The following SPEN variants were observed in gnomAD, a reference collection of about 807,000 sequenced individuals.
SPEN encodes spen family transcriptional repressor, also known as msx2-interacting protein.
SPEN carries 18 observed loss-of-function variants against 269.9 expected under a neutral mutation model. The observed-to-expected ratio is 0.07, with a 90% CI of 0.05 to 0.10. SPEN has a LOEUF of 0.10. Ranked by LOEUF, SPEN falls within the 10% of genes least tolerant of loss-of-function variation. The pLI is 1.00. For synonymous variants in SPEN, 1,726 were observed against 1,765.7 expected, an observed-to-expected ratio of 0.98 and a Z score of 0.56; for missense variants, 3,822 against 4,631.2, an observed-to-expected ratio of 0.83 and a Z score of 5.07.
At position 15,876,474 on chromosome 1, in the gene SPEN, G is replaced by A. The variant is rs146447271; in HGVS notation, c.677G>A (p.Arg226Gln). The A allele has an allele frequency of 2.2e-5, 36 of 1,613,944 alleles. No homozygotes were observed. Among genetic ancestry groups the A allele is most frequent in the Non-Finnish European group, 2.8e-5 (33 of 1,180,022 alleles). ...GATATCTACAGGGATGATATTACCC[G>A]GGAGGTACGAGGCAGAAGGCCAGAG... Reference protein sequence around the residue: ...HRDIYRDDITREVRGRRPERN... With the variant: ...HRDIYRDDITQEVRGRRPERN... The change falls in exon 3 of 15, where the codon CGG (arginine) becomes CAG (glutamine). Residue 226 changes from arginine to glutamine, a missense_variant. Around this residue, in one of 16 missense-constraint regions of SPEN, gnomAD observed 327 missense variants for 350.8 expected, o/e 0.93. Coordinates refer to ENST00000375759, the MANE Select transcript of SPEN (RefSeq NM_015001.3).
intron 6 of SPEN, among the ~76,000 whole-genome samples, chr1:15,916,523 T>C (rs1248130829): frequency 6.7e-6 from 1 of 148,562 alleles, no homozygotes; most frequent in Non-Finnish European, 1.5e-5. Flanking sequence ...TTTTTTTTTT[T>C]TTTTTGAGAC....
chr1:15,849,101 G>GT (rs1239340994), intron 1 of SPEN, among the ~76,000 whole-genome samples: 1 of 152,158 alleles, frequency 6.6e-6, no homozygotes, highest in East Asian at 1.9e-4. Flanking sequence ...CCTGTGTACC[G>GT]TAACAGATAG....
intron 5 of SPEN, among the ~76,000 whole-genome samples, chr1:15,912,977 A>C (rs2071024698): frequency 6.6e-6 from 1 of 152,222 alleles, no homozygotes; most frequent in South Asian, 2.1e-4. Flanking sequence ...GGCTTTACCT[A>C]CTTGCCAGTG....
Position 15,933,593 on chromosome 1 carries a change from T to C in SPEN, c.7353T>C (p.His2451=). ...AGCCTCAAGCCAGGTTCAGGGTGCA[T>C]TCCATCATTGAAAGTGACCCGGTGA... ...DEEPQARFRV[H]SIIESDPVTP... The change falls in exon 11 of 15, where the codon CAT becomes CAC. Residue 2451 remains histidine (H), a synonymous_variant. Transcript: ENST00000375759. This position sits in a 1 kb window ranked among gnomAD's most constrained non-coding sequence, Gnocchi z 5.7. 1 of 1,613,822 alleles carries C rather than the reference T, an allele frequency of 6.2e-7. No individual in the cohort carries two copies. The highest frequency in any genetic ancestry group is 1.3e-5 in the African/African-American group (1 of 74,918).
chr1:15,883,406 G>T (rs1413261590), intron 3 of SPEN, among the ~76,000 whole-genome samples: 1 of 152,110 alleles, frequency 6.6e-6, no homozygotes, highest in Non-Finnish European at 1.5e-5. Flanking sequence ...TGTTAGCTTT[G>T]CATTAGAACG....
intron 1 of SPEN, among the ~76,000 whole-genome samples, chr1:15,856,150 C>A (rs144565179): frequency 6.6e-6 from 1 of 151,410 alleles, no homozygotes; most frequent in Admixed American, 6.6e-5. Flanking sequence ...CCACCACACC[C>A]GGCTAATTTT....
At chr1:15,913,091 A>G (rs2071025404) in intron 5 of SPEN, among the ~76,000 whole-genome samples, 1 of 152,210 alleles carries the variant, frequency 6.6e-6, no homozygotes, top group East Asian at 1.9e-4. Context: ...AAAGCAGTTG[A>G]ATTTTGAGTA....
At chr1:15,938,688 C>T in intron 13 of SPEN, 30 bp from the exon 14 acceptor site, 3 of 1,601,746 alleles carry the variant, frequency 1.9e-6, no homozygotes, top group Middle Eastern at 3.4e-4. Flanking sequence ...TAGGAGGCCC[C>T]TGCTCACTGG....
chr1:15,926,654 G>A (rs1415325757), intron 10 of SPEN, among the ~76,000 whole-genome samples: 2 of 151,074 alleles, frequency 1.3e-5, no homozygotes, highest in Non-Finnish European at 2.9e-5. Flanking sequence ...TGGCCAAGAA[G>A]ACAAAGCCTG....
chr1:15,877,738 CTTTT>C (rs777782248), intron 3 of SPEN, among the ~76,000 whole-genome samples: 4 of 106,834 alleles, frequency 3.7e-5, no homozygotes, highest in African/African-American at 1.2e-4. Context: ...TCAGCTTTCC[CTTTT>C]TTTTTTTTTT....
At position 15,937,450 on chromosome 1, in the gene SPEN, C is replaced by T. The variant is rs1477990813; in HGVS notation, c.10314C>T (p.Ser3438=). The T allele has an allele frequency of 1.2e-6, 2 of 1,613,890 alleles. No homozygotes were observed. Among genetic ancestry groups the T allele is most frequent in the Non-Finnish European group, 1.7e-6 (2 of 1,180,026 alleles). The part of the protein sequence containing the change: ...PTSFPSPVSV[S]MKPDLPVSLP... The stretch of plus-strand genomic sequence containing the variant: ...CCTTCCCCTCCCCTGTGTCTGTCTC[C>T]ATGAAGCCTGACCTTCCAGTCTCTC... Residue 3438 remains serine (S), a synonymous_variant, in exon 12 of 15, where the codon TCC becomes TCT. Transcript: ENST00000375759. This position sits in a 1 kb window ranked among gnomAD's most constrained non-coding sequence, Gnocchi z 5.7.
At chr1:15,887,114 T>C (rs1422661287) in intron 3 of SPEN, among the ~76,000 whole-genome samples, 2 of 151,880 alleles carry the variant, frequency 1.3e-5, no homozygotes, top group African/African-American at 4.8e-5. Context: ...TAGCTGGGAT[T>C]ACAGCCACAC....
chr1:15,933,094 C>T lies in SPEN; in HGVS notation c.6854C>T (p.Pro2285Leu), dbSNP rs982747423. 1.2e-5 allele frequency: 19 copies of T among 1,614,038 alleles called. No individual in the cohort carries two copies. The highest frequency in any genetic ancestry group is 9.3e-5 in the African/African-American group (7 of 74,928). Residue 2285 changes from proline (P) to leucine (L), a missense_variant, in exon 11 of 15, where the codon CCA becomes CTA. By Grantham distance (98) the Pro-to-Leu change is moderately conservative. Around this residue, in one of 16 missense-constraint regions of SPEN, gnomAD observed 727 missense variants for 737.9 expected, o/e 0.99. Transcript: ENST00000375759. The surrounding 1 kb of genome is among the most constrained non-coding windows in gnomAD (Gnocchi z 5.7). ...TEAATESSRP[P>L]VNAPDPSAGP... is the part of the protein sequence containing the mutation. Reference sequence around the variant, plus strand: ...GCTGCTACAGAATCTTCTAGGCCTCCAGTCAATGCTCCTGACCCCTCAGCC... The same window carrying T: ...GCTGCTACAGAATCTTCTAGGCCTCTAGTCAATGCTCCTGACCCCTCAGCC...
At position 15,918,513 on chromosome 1, in the gene SPEN, G is replaced by A. The variant is rs560142071; in HGVS notation, c.1396-413G>A. Reference sequence around the variant, plus strand: ...GGATTACAGGCGTGAGCCACGGTGCGCAGCCAGATATCATATTTTAAATGG... The same window carrying A: ...GGATTACAGGCGTGAGCCACGGTGCACAGCCAGATATCATATTTTAAATGG... On this transcript the variant is annotated intron_variant, in intron 6 of 14. Coordinates refer to ENST00000375759, the MANE Select transcript of SPEN (RefSeq NM_015001.3). 1.4e-4 allele frequency among the ~76,000 whole-genome samples: 21 copies of A among 152,284 alleles called. No individual in the cohort carries two copies. In the East Asian group the frequency reaches 2.9e-3, roughly 21 times the overall value.
At chr1:15,922,860 C>T (rs1031926098) in intron 10 of SPEN, among the ~76,000 whole-genome samples, 2 of 152,222 alleles carry the variant, frequency 1.3e-5, no homozygotes, top group African/African-American at 2.4e-5. Flanking sequence ...GCATTCTGCC[C>T]GCTTTGGCCT....
intron 10 of SPEN, among the ~76,000 whole-genome samples, chr1:15,926,380 T>TACACAC (rs199815081): frequency 2.1e-5 from 3 of 141,388 alleles, no homozygotes; most frequent in South Asian, 2.3e-4. Flanking sequence ...CTCAGATATA[T>TACACAC]ACATACACAC....
intron 1 of SPEN, among the ~76,000 whole-genome samples, chr1:15,864,489 T>TA (rs56856046): frequency 3.3e-5 from 5 of 150,610 alleles, no homozygotes; most frequent in South Asian, 2.1e-4. Flanking sequence ...TTTTTTTTTT[T>TA]AATATTGTAA....
intron 2 of SPEN, chr1:15,873,974 C>T: frequency 1.7e-6 from 2 of 1,198,564 alleles, no homozygotes; most frequent in Non-Finnish European, 2.1e-6. Context: ...GTTGTGGATA[C>T]AGCAATCAAA....
At chr1:15,875,144 G>A (rs1456452949) in intron 2 of SPEN, among the ~76,000 whole-genome samples, 1 of 152,132 alleles carries the variant, frequency 6.6e-6, no homozygotes, top group Non-Finnish European at 1.5e-5. Flanking sequence ...CTCTACAAAA[G>A]TAGAGAACTT....
Sources: gnomAD v4.1 joint callset for allele counts (sites outside exome capture counted in the v4.1 genomes callset) on GRCh38, gnomAD v4.1.1 for gene constraint, gnomAD v4.1.1 regional missense constraint, Gnocchi (gnomAD v3.1) non-coding constraint, MANE v1.5 for transcripts, NCBI Gene and HGNC (gene_info 2026-07-23, HGNC 2026-07-21) for gene names.